Variants in PPARGC1A observed in about 807,000 individuals in gnomAD.
The protein encoded by PPARGC1A is PPARG coactivator 1 alpha.
PPARGC1A carries 25 observed loss-of-function variants against 88.7 expected under a neutral mutation model. The observed-to-expected ratio is 0.28, with a 90% CI of 0.21 to 0.39. The LOEUF (loss-of-function observed/expected upper bound fraction) is 0.39. Ranked by LOEUF, PPARGC1A falls within the 10% of genes least tolerant of loss-of-function variation. The pLI, the probability that PPARGC1A is intolerant of heterozygous loss-of-function variation, is 1.00. For synonymous variants in PPARGC1A, 363 were observed against 355.6 expected (o/e 1.02, Z -0.24); for missense variants, 880 against 968.7 (o/e 0.91, Z 1.22).
chr4:24,327,183 A>ACGCTGTATAGAC, the PPARGC1A span, among the ~76,000 whole-genome samples: 1 of 152,176 alleles, frequency 6.6e-6, no homozygotes, highest in Non-Finnish European at 1.5e-5. Context: ...AGCCCATTTG[A>ACGCTGTATAGAC]GCTCCTGTAT....
At chr4:24,183,809 A>C in the PPARGC1A span, among the ~76,000 whole-genome samples, 648 of 152,308 alleles carry the variant, frequency 4.3e-3, 4 homozygotes, top group Non-Finnish European at 4.7e-3. Flanking sequence ...TTCCTCACGG[A>C]AATTTTTTTT....
At chr4:24,164,008 T>A in the PPARGC1A span, among the ~76,000 whole-genome samples, 1 of 152,364 alleles carries the variant, frequency 6.6e-6, no homozygotes, top group Middle Eastern at 3.4e-3. Flanking sequence ...CAGGTTGGTT[T>A]ATTTATAGCA....
At chr4:24,373,154 C>G in the PPARGC1A span, among the ~76,000 whole-genome samples, 1 of 152,178 alleles carries the variant, frequency 6.6e-6, no homozygotes, top group Non-Finnish European at 1.5e-5. Flanking sequence ...CAGTCCCGGA[C>G]TCCTGCGGCG....
chr4:24,323,538 A>G, the PPARGC1A span, among the ~76,000 whole-genome samples: 1 of 152,050 alleles, frequency 6.6e-6, no homozygotes, highest in Non-Finnish European at 1.5e-5. Flanking sequence ...CCACCAGAGA[A>G]CAACCCCCTT....
chr4:24,107,382 T>C, the PPARGC1A span, among the ~76,000 whole-genome samples: 418 of 152,346 alleles, frequency 2.7e-3, 4 homozygotes, highest in East Asian at 0.051. Context: ...TGATCTCAAA[T>C]GACTTCCGTC....
chr4:24,070,524 T>C, the PPARGC1A span, among the ~76,000 whole-genome samples: 1 of 152,086 alleles, frequency 6.6e-6, no homozygotes, highest in Non-Finnish European at 1.5e-5. Context: ...ACTGCTGGCC[T>C]ACGAAAAACA....
the PPARGC1A span, among the ~76,000 whole-genome samples, chr4:24,103,586 G>A: frequency 2.6e-5 from 3 of 115,974 alleles, no homozygotes; most frequent in African/African-American, 1.0e-4. Context: ...TGCGCTTAAT[G>A]CCTTCTTCCA....
intron 1 of PPARGC1A, among the ~76,000 whole-genome samples, chr4:23,896,010 TTAA>T (rs1718558859): frequency 6.7e-6 from 1 of 149,512 alleles, no homozygotes; most frequent in Non-Finnish European, 1.5e-5. Flanking sequence ...ATATTTATAT[TTAA>T]TATTATCATT....
At chr4:24,464,185 TTAAAAAAAC>T in the PPARGC1A span, among the ~76,000 whole-genome samples, 1 of 152,234 alleles carries the variant, frequency 6.6e-6, no homozygotes, top group Non-Finnish European at 1.5e-5. Context: ...TAAATGTTGT[TTAAAAAAAC>T]TAATTATTTG....
chr4:23,956,887 C>CTTA, the PPARGC1A span, among the ~76,000 whole-genome samples: 1 of 152,024 alleles, frequency 6.6e-6, no homozygotes, highest in Non-Finnish European at 1.5e-5. Context: ...AGGTAGAAGG[C>CTTA]ACAATTGTAT....
the PPARGC1A span, among the ~76,000 whole-genome samples, chr4:24,165,140 A>G: frequency 1.1e-4 from 16 of 152,130 alleles, no homozygotes; most frequent in Non-Finnish European, 1.9e-4. Context: ...CCCTTTTTCC[A>G]TAATGGAAAT....
the PPARGC1A span, among the ~76,000 whole-genome samples, chr4:23,990,539 G>A: frequency 1.3e-5 from 2 of 151,930 alleles, no homozygotes; most frequent in Admixed American, 6.6e-5. Context: ...AACGACATCC[G>A]TCTCCCATTT....
chr4:23,882,746 G>T (rs1471406416), intron 2 of PPARGC1A: 8 of 152,056 alleles, frequency 5.3e-5, no homozygotes, highest in Admixed American at 5.2e-4. Flanking sequence ...GGGTGGCATG[G>T]CATATATTAA....
chr4:23,915,835 C>T, the PPARGC1A span, among the ~76,000 whole-genome samples: 1 of 152,164 alleles, frequency 6.6e-6, no homozygotes. Flanking sequence ...AAGGCACATG[C>T]AAATGTGTAG....
chr4:24,028,152 C>A, the PPARGC1A span, among the ~76,000 whole-genome samples: 6 of 152,110 alleles, frequency 3.9e-5, no homozygotes, highest in African/African-American at 1.4e-4. Flanking sequence ...ACTGGATCCC[C>A]AAGGAAACAA....
At chr4:23,991,691 G>C in the PPARGC1A span, among the ~76,000 whole-genome samples, 1 of 151,734 alleles carries the variant, frequency 6.6e-6, no homozygotes. Flanking sequence ...CTGAGACTGG[G>C]ACAGCTTAAA....
At chr4:23,971,845 C>A in the PPARGC1A span, among the ~76,000 whole-genome samples, 1 of 152,154 alleles carries the variant, frequency 6.6e-6, no homozygotes, top group Admixed American at 6.5e-5. Flanking sequence ...AAATAAAGAT[C>A]CTCTCCCTAA....
At chr4:24,189,122 C>T in the PPARGC1A span, among the ~76,000 whole-genome samples, 6 of 152,114 alleles carry the variant, frequency 3.9e-5, no homozygotes, top group South Asian at 2.1e-4. Context: ...GAAAGTAGAA[C>T]GCTGGTTGCC....
At chr4:24,322,901 A>T in the PPARGC1A span, among the ~76,000 whole-genome samples, 2 of 152,220 alleles carry the variant, frequency 1.3e-5, no homozygotes, top group Non-Finnish European at 2.9e-5. Flanking sequence ...AATATTTTGA[A>T]TAGCAACTTC....
Sources: gnomAD v4.1 joint callset for allele counts (sites outside exome capture counted in the v4.1 genomes callset) on GRCh38, gnomAD v4.1.1 for gene constraint, MANE v1.5 for transcripts, NCBI Gene and HGNC (gene_info 2026-07-23, HGNC 2026-07-21) for gene names.